The following STT3B variants were observed in gnomAD, a reference collection of about 807,000 sequenced individuals.
STT3B encodes the protein dolichyl-diphosphooligosaccharide--protein glycosyltransferase subunit STT3B.
STT3B carries 29 observed loss-of-function variants against 96.8 expected under a neutral mutation model. That is an observed-to-expected ratio of 0.30 (90% CI 0.22 to 0.41). STT3B has a LOEUF of 0.41. Ranked by LOEUF, STT3B falls within the 10% of genes least tolerant of loss-of-function variation. The probability of loss-of-function intolerance (pLI) is 1.00; values close to 1 mark genes in which losing one functional copy is unlikely to be tolerated. For missense variants in STT3B, 640 were observed against 1,022.3 expected (o/e 0.63, Z 5.10); for synonymous variants, 367 against 360.0 (o/e 1.02, Z -0.22).
rs73060024 is a variant in STT3B, at chr3:31,540,648, C to A, written c.314+7336C>A. Among the ~76,000 whole-genome samples the A allele has an allele frequency of 2.1e-3, 319 of 152,136 alleles. 4 individuals carry two copies. The highest frequency in any genetic ancestry group is 7.2e-3 in the African/African-American group (298 of 41,528). On this transcript the variant is annotated intron_variant, in intron 1 of 15. Transcript: ENST00000295770. ...TTTCACTTTCTGTCCCCTGCCTCCC[C>A]GCCCCACAATAGATAGATAATGTTG...
intron 1 of STT3B, among the ~76,000 whole-genome samples, chr3:31,559,999 CT>C (rs1697833078): frequency 1.3e-5 from 2 of 151,800 alleles, no homozygotes; most frequent in African/African-American, 2.4e-5. Context: ...AGTGTAGGTA[CT>C]CGTGCTCACT....
chr3:31,560,053 T>C (rs1290219941), intron 1 of STT3B, among the ~76,000 whole-genome samples: 2 of 152,136 alleles, frequency 1.3e-5, no homozygotes, highest in Non-Finnish European at 2.9e-5. Flanking sequence ...TATTTCCCTT[T>C]ACTTTCAGTC....
chr3:31,553,063 C>T (rs1272096849), intron 1 of STT3B, among the ~76,000 whole-genome samples: 3 of 146,040 alleles, frequency 2.1e-5, no homozygotes, highest in African/African-American at 7.8e-5. Context: ...GATCGCGCCA[C>T]TGCACTCCAG....
At chr3:31,553,220 C>T (rs913700423) in intron 1 of STT3B, among the ~76,000 whole-genome samples, 1 of 151,638 alleles carries the variant, frequency 6.6e-6, no homozygotes, top group Non-Finnish European at 1.5e-5. Context: ...TTCTTAAATA[C>T]GTGTCTACTA....
At chr3:31,563,998 TTGA>T (rs1199713813) in intron 1 of STT3B, among the ~76,000 whole-genome samples, 2 of 152,116 alleles carry the variant, frequency 1.3e-5, no homozygotes, top group African/African-American at 4.8e-5. Context: ...TGAGTGACTG[TTGA>T]TGAAAGACTT....
chr3:31,553,343 G>A (rs562037476), intron 1 of STT3B, among the ~76,000 whole-genome samples: 2 of 152,262 alleles, frequency 1.3e-5, no homozygotes, highest in African/African-American at 4.8e-5. Flanking sequence ...TGAATGTACA[G>A]CCTTATTATT....
intron 14 of STT3B, among the ~76,000 whole-genome samples, chr3:31,631,481 T>G (rs1478362689): frequency 2.6e-5 from 4 of 152,210 alleles, no homozygotes; most frequent in African/African-American, 9.6e-5. Context: ...TTCCTCTCTT[T>G]TAAGTTTATC....
intron 1 of STT3B, among the ~76,000 whole-genome samples, chr3:31,562,405 G>T (rs1697901606): frequency 6.6e-6 from 1 of 152,150 alleles, no homozygotes; most frequent in East Asian, 1.9e-4. Flanking sequence ...GTCACTGGTG[G>T]TGGACTTAGT....
chr3:31,610,661 C>T (rs1287012008), intron 5 of STT3B, among the ~76,000 whole-genome samples: 3 of 152,142 alleles, frequency 2.0e-5, no homozygotes, highest in Admixed American at 1.3e-4. Context: ...ATATCTGTCT[C>T]GTCCCACCCT....
At chr3:31,608,959 A>G (rs1364273992) in intron 5 of STT3B, among the ~76,000 whole-genome samples, 1 of 152,156 alleles carries the variant, frequency 6.6e-6, no homozygotes, top group African/African-American at 2.4e-5. Context: ...TACTAAAAAT[A>G]CAAAAATTAG....
At chr3:31,540,524 C>T (rs952966236) in intron 1 of STT3B, among the ~76,000 whole-genome samples, 1 of 151,952 alleles carries the variant, frequency 6.6e-6, no homozygotes, top group South Asian at 2.1e-4. Flanking sequence ...GACTTTTCTC[C>T]CCAGTATGGT....
intron 1 of STT3B, among the ~76,000 whole-genome samples, chr3:31,553,561 A>G (rs149626113): frequency 3.7e-4 from 56 of 152,356 alleles, no homozygotes; most frequent in African/African-American, 1.3e-3. Flanking sequence ...GAACAAACAT[A>G]ATGAATCTAT....
intron 1 of STT3B, among the ~76,000 whole-genome samples, chr3:31,574,132 A>G (rs55850263): frequency 1.3e-5 from 2 of 152,160 alleles, no homozygotes; most frequent in Non-Finnish European, 2.9e-5. Context: ...TTGAAAATTT[A>G]AAACCTTGGT....
intron 6 of STT3B, among the ~76,000 whole-genome samples, chr3:31,615,781 A>G (rs938791984): frequency 2.0e-5 from 3 of 151,906 alleles, no homozygotes; most frequent in Admixed American, 6.6e-5. Flanking sequence ...TACTTACTTA[A>G]CCATTGTAAA....
rs768301243 is a variant in STT3B, at chr3:31,633,109, A to G, written c.2362A>G (p.Thr788Ala). ...RETLDHKPRV[T>A]NIFPKQKYLS... is the part of the protein sequence containing the mutation. ...GACATTAGATCACAAACCTCGAGTC[A>G]CCAACATTTTCCCAAAACAGAAGTA... Residue 788 changes from threonine to alanine, a missense_variant, in exon 15 of 16, where the codon ACC becomes GCC. Coordinates refer to ENST00000295770, the MANE Select transcript of STT3B (RefSeq NM_178862.3). The G allele has an allele frequency of 1.2e-6, 2 of 1,614,044 alleles. No individual in the cohort carries two copies. Among genetic ancestry groups the G allele is most frequent in the African/African-American group, 1.3e-5 (1 of 75,060 alleles).
At chr3:31,572,168 C>A (rs1394723663) in intron 1 of STT3B, among the ~76,000 whole-genome samples, 1 of 136,800 alleles carries the variant, frequency 7.3e-6, no homozygotes, top group Non-Finnish European at 1.5e-5. Flanking sequence ...TAATATATAG[C>A]TAATTATATA....
chr3:31,552,823 G>T (rs115149918), intron 1 of STT3B, among the ~76,000 whole-genome samples: 4,129 of 152,260 alleles, frequency 0.027, 87 homozygotes, highest in South Asian at 0.046. Flanking sequence ...ACCAAATAAG[G>T]CCGGGCACGG....
At chr3:31,533,464 G>T in intron 1 of STT3B, 152 bp downstream of exon 1, 1 of 1,087,496 alleles carries the variant, frequency 9.2e-7, no homozygotes, top group South Asian at 3.2e-5. Flanking sequence ...CGGAGCTCCG[G>T]GCGCGCCCCC....
At chr3:31,633,206 A>C in intron 15 of STT3B, 59 bp downstream of exon 15, 4 of 1,457,556 alleles carry the variant, frequency 2.7e-6, no homozygotes, top group Non-Finnish European at 3.7e-6. Flanking sequence ...TGTATGAAAA[A>C]GAATTTCTGG....
Sources: gnomAD v4.1 joint callset for allele counts (sites outside exome capture counted in the v4.1 genomes callset) on GRCh38, gnomAD v4.1.1 for gene constraint, MANE v1.5 for transcripts, NCBI Gene and HGNC (gene_info 2026-07-23, HGNC 2026-07-21) for gene names.